Variants in VWC2L observed in about 807,000 individuals in gnomAD.
VWC2L encodes the protein von Willebrand factor C domain containing 2 like.
A neutral mutation model predicts 21.6 loss-of-function variants in VWC2L; 10 were observed. The ratio of observed to expected loss-of-function variants is 0.46; its 90% CI spans 0.29 to 0.78. VWC2L has a LOEUF of 0.78. Among genes scored for constraint, VWC2L ranks in the 30% least tolerant of loss-of-function variants. The pLI, the probability that VWC2L is intolerant of heterozygous loss-of-function variation, is 0.10. For missense variants in VWC2L, 209 were observed against 277.1 expected, an observed-to-expected ratio of 0.75 and a Z score of 1.74; for synonymous variants, 96 against 94.3, an observed-to-expected ratio of 1.02 and a Z score of -0.10.
intron 3 of VWC2L, among the ~76,000 whole-genome samples, chr2:214,475,001 T>C (rs1688489798): frequency 6.6e-6 from 1 of 152,144 alleles, no homozygotes; most frequent in South Asian, 2.1e-4. Context: ...GGAATCTGGT[T>C]TGGGACAACT....
At chr2:214,509,141 TCACTTCCC>T (rs1020400111) in intron 3 of VWC2L, among the ~76,000 whole-genome samples, 2 of 152,174 alleles carry the variant, frequency 1.3e-5, no homozygotes, top group African/African-American at 4.8e-5. Context: ...CTTCCTAGTC[TCACTTCCC>T]CACTTTCACA....
intron 3 of VWC2L, chr2:214,536,683 T>C (rs563268991): frequency 6.6e-6 from 1 of 152,202 alleles, no homozygotes; most frequent in Admixed American, 6.6e-5. Flanking sequence ...TCACTTCCTA[T>C]GAAGAAAGTT....
intron 3 of VWC2L, among the ~76,000 whole-genome samples, chr2:214,489,227 G>C (rs1464261917): frequency 6.6e-6 from 1 of 152,134 alleles, no homozygotes. Flanking sequence ...AATTAGTTCT[G>C]AAGGAGTCTG....
In VWC2L at chr2:214,454,598, C is replaced by CTTTTTTTTTTT. The variant is rs34032234; in HGVS notation, c.520+17853_520+17863dup. Reference sequence around the variant, plus strand: ...ATACTGAATTACATTGATTGATTTTCTTTTTTTTTTTTTTTTTTTTTTTGA... The same window carrying CTTTTTTTTTTT: ...ATACTGAATTACATTGATTGATTTTCTTTTTTTTTTTTTTTTTTTTTTTTTTTTTTTTTTGA... On this transcript the variant is annotated intron_variant, in intron 3 of 3. Coordinates refer to ENST00000312504, the MANE Select transcript of VWC2L (RefSeq NM_001080500.4). Among the ~76,000 whole-genome samples the CTTTTTTTTTTT allele has an allele frequency of 1.9e-4, 12 of 64,144 alleles. 2 individuals carry two copies. Among genetic ancestry groups the CTTTTTTTTTTT allele is most frequent in the East Asian group, 1.1e-3 (2 of 1,750 alleles). The allele number at this position is 64,144 out of a possible 152,430, so 42.1% of individuals were successfully genotyped here. A position where few individuals can be genotyped will look rare whatever the true frequency, so the allele number is the denominator to read the frequency against.
chr2:214,575,831 C>G lies in VWC2L; in HGVS notation c.*11C>G. On this transcript the variant is annotated 3_prime_UTR_variant, in exon 4 of 4. Transcript: ENST00000312504. ...AAGCAGACTGTGTAGGACAAACTTC[C>G]ACCCAATGATGAGTTCTTAGGAAAG... The G allele has an allele frequency of 6.2e-7, 1 of 1,609,664 alleles. No individual in the cohort carries two copies. The highest frequency in any genetic ancestry group is 8.5e-7 in the Non-Finnish European group (1 of 1,176,710).
At chr2:214,552,938 T>C (rs1321797281) in intron 3 of VWC2L, among the ~76,000 whole-genome samples, 2 of 152,224 alleles carry the variant, frequency 1.3e-5, no homozygotes, top group Non-Finnish European at 2.9e-5. Flanking sequence ...TTTATATTTC[T>C]CTTCTCAAAA....
chr2:214,492,817 G>A (rs1315146973), intron 3 of VWC2L, among the ~76,000 whole-genome samples: 2 of 152,098 alleles, frequency 1.3e-5, no homozygotes, highest in African/African-American at 4.8e-5. Flanking sequence ...CATGTCAGAG[G>A]CTTACAACAA....
intron 3 of VWC2L, among the ~76,000 whole-genome samples, chr2:214,469,595 C>CA (rs201147991): frequency 0.17 from 23,890 of 141,322 alleles, 1,929 homozygotes; most frequent in East Asian, 0.27. Context: ...ACTCTGTCTC[C>CA]AAAAAAAAAA....
Position 214,575,976 on chromosome 2 carries a change from A to T in VWC2L, c.*156A>T. The T allele has an allele frequency of 1.3e-6, 1 of 770,666 alleles. No homozygotes were observed. Among genetic ancestry groups the T allele is most frequent in the Admixed American group, 2.9e-5 (1 of 34,104 alleles). 47.7% of individuals were successfully genotyped at this position (770,666 alleles called of 1,614,324 possible). ...GTTGACAAAAGTGAATATTTTCCTA[A>T]GAGGAAATTTCTTTCTCTCTTGCTA... On this transcript the variant is annotated 3_prime_UTR_variant, in exon 4 of 4. Coordinates refer to ENST00000312504, the MANE Select transcript of VWC2L (RefSeq NM_001080500.4).
At chr2:214,555,206 T>A (rs1689856145) in intron 3 of VWC2L, among the ~76,000 whole-genome samples, 1 of 152,198 alleles carries the variant, frequency 6.6e-6, no homozygotes, top group Non-Finnish European at 1.5e-5. Context: ...ACCTATGACC[T>A]GGAAGACCCT....
chr2:214,471,066 T>C (rs1703302151), intron 3 of VWC2L, among the ~76,000 whole-genome samples: 2 of 152,320 alleles, frequency 1.3e-5, no homozygotes, highest in South Asian at 4.1e-4. Flanking sequence ...AAATTGATTT[T>C]TCAAGGGTAT....
At chr2:214,506,104 G>A (rs1688964274) in intron 3 of VWC2L, among the ~76,000 whole-genome samples, 1 of 152,142 alleles carries the variant, frequency 6.6e-6, no homozygotes, top group Non-Finnish European at 1.5e-5. Context: ...TAAAGAATTT[G>A]AAAGATATTA....
At chr2:214,511,927 C>T (rs201188690) in intron 3 of VWC2L, among the ~76,000 whole-genome samples, 38,687 of 145,670 alleles carry the variant, frequency 0.27, 5,354 homozygotes, top group East Asian at 0.41. Flanking sequence ...TATACACACA[C>T]ACACACACAC....
chr2:214,529,367 C>T (rs770548040), intron 3 of VWC2L, among the ~76,000 whole-genome samples: 5 of 152,112 alleles, frequency 3.3e-5, no homozygotes, highest in Non-Finnish European at 7.4e-5. Flanking sequence ...TCCTAGCCAG[C>T]GTGACAGGTT....
At chr2:214,558,864 C>CT (rs1280164132) in intron 3 of VWC2L, among the ~76,000 whole-genome samples, 6 of 148,986 alleles carry the variant, frequency 4.0e-5, no homozygotes, top group Admixed American at 2.0e-4. Context: ...GCTAGTGTTT[C>CT]TTTTTTTTAA....
intron 1 of VWC2L, among the ~76,000 whole-genome samples, chr2:214,412,420 T>C (rs1303366855): frequency 1.3e-5 from 2 of 152,150 alleles, no homozygotes; most frequent in Non-Finnish European, 2.9e-5. Context: ...TATTTATGCT[T>C]TTTCAGAAGC....
intron 3 of VWC2L, chr2:214,510,046 CG>C (rs1481639230): frequency 1.3e-5 from 2 of 152,100 alleles, no homozygotes; most frequent in African/African-American, 4.8e-5. Flanking sequence ...TTACAAAATA[CG>C]TAAGATTTTG....
chr2:214,509,703 G>A (rs1201814532), intron 3 of VWC2L, among the ~76,000 whole-genome samples: 1 of 152,112 alleles, frequency 6.6e-6, no homozygotes, highest in East Asian at 1.9e-4. Context: ...TGACTCTCTG[G>A]TTGTAACCCC....
chr2:214,535,797 AAC>A (rs10581608), intron 3 of VWC2L, among the ~76,000 whole-genome samples: 21,044 of 149,968 alleles, frequency 0.14, 3,923 homozygotes, highest in African/African-American at 0.43. Context: ...GGAAAAATGA[AAC>A]ACACACACAC....
Sources: allele counts gnomAD v4.1 joint callset (sites outside exome capture counted in the v4.1 genomes callset), GRCh38; gene constraint gnomAD v4.1.1; transcripts MANE v1.5; gene names NCBI Gene and HGNC (gene_info 2026-07-23, HGNC 2026-07-21).